The following PKD1 variants were observed in gnomAD, a reference collection of about 807,000 sequenced individuals.
The protein encoded by PKD1 is polycystin-1.
PKD1 carries 81 observed loss-of-function variants against 361.7 expected under a neutral mutation model. The ratio of observed to expected loss-of-function variants is 0.22; its 90% confidence interval spans 0.19 to 0.27. The LOEUF is 0.27. Among genes scored for constraint, PKD1 ranks in the 10% least tolerant of loss-of-function variants. The pLI, the probability that PKD1 is intolerant of heterozygous loss-of-function variation, is 1.00. For synonymous variants in PKD1, 3,615 were observed against 2,818.3 expected (o/e 1.28, Z -8.95); for missense variants, 6,399 against 6,118.3 (o/e 1.05, Z -1.53).
At chr16:2,102,995 C>T (rs199619755) in intron 23 of PKD1, 25 bp from the exon 24 acceptor site, 73 of 1,599,200 alleles carry the variant, frequency 4.6e-5, no homozygotes, top group Middle Eastern at 4.5e-4. Context: ...GCAGGTCACA[C>T]GCCTGCCGGG....
intron 13 of PKD1, 46 bp downstream of exon 13, chr16:2,112,742 G>T: frequency 1.3e-6 from 2 of 1,577,048 alleles, no homozygotes; most frequent in Non-Finnish European, 1.7e-6. Flanking sequence ...CTGGGGCTGG[G>T]ACAAGAGCCT....
At chr16:2,123,434 A>C (rs1236817371) in intron 1 of PKD1, 2 of 456,172 alleles carry the variant, frequency 4.4e-6, no homozygotes, top group Non-Finnish European at 8.8e-6. Context: ...AGGGACAGGG[A>C]ACAGCACAGG....
rs144159053 is a variant in PKD1 at position 2,095,372 on chromosome 16, G to A, written c.10500-1162C>T. 658 of 152,260 alleles carry A rather than the reference G, an allele frequency of 4.3e-3. 5 individuals carry two copies. The highest frequency in any genetic ancestry group is 4.8e-3 in the Admixed American group (74 of 15,288). 9.4% of individuals were successfully genotyped at this position (152,260 alleles called of 1,614,324 possible). A position where few individuals can be genotyped will look rare whatever the true frequency, so the allele number is the denominator to read the frequency against. ...ACTTTGCAGTGAGCCGAGATCATGC[G>A]ACTGCACTCCAGTCTGGGCAACAGA... On this transcript the variant is annotated intron_variant, in intron 34 of 45. Transcript: ENST00000262304.
intron 1 of PKD1, chr16:2,120,103 G>A (rs1188175439): frequency 7.1e-6 from 4 of 559,798 alleles, no homozygotes; most frequent in Admixed American, 6.5e-5. Flanking sequence ...CCAAGTACTC[G>A]GGAGGTAGAG....
chr16:2,097,949 C>A lies in PKD1; in HGVS notation c.10086G>T (p.Gln3362His), dbSNP rs767064899. Residue 3362 changes from glutamine to histidine, a missense_variant, in exon 31 of 46, where the codon CAG becomes CAT. Transcript: ENST00000262304. Reference sequence around the variant, plus strand: ...GGCAGCTGTCGATGTCCAGCACCTGCTGCCCGGCAGGTGTGGGGCTCGGGC... The same window carrying A: ...GGCAGCTGTCGATGTCCAGCACCTGATGCCCGGCAGGTGTGGGGCTCGGGC... ...AGSPSPTPAG[Q>H]QVLDIDSCLD... 26 of 1,601,330 alleles carry A rather than the reference C, an allele frequency of 1.6e-5. No individual in the cohort carries two copies. In the East Asian group the frequency reaches 4.5e-4, roughly 27 times the overall value.
Position 2,117,676 on chromosome 16 carries a change from G to A in PKD1, c.1202-4C>T, listed in dbSNP as rs1228418294. ...GAGGGGCAGAGCGGGTGCACCGCTGGAGACCGGTGGGAACGAGGGTGTCAA... is the reference window on the plus strand; with the variant it reads ...GAGGGGCAGAGCGGGTGCACCGCTGAAGACCGGTGGGAACGAGGGTGTCAA... On this transcript the variant is annotated splice_region_variant and splice_polypyrimidine_tract_variant and intron_variant, in intron 5 of 45. Transcript: ENST00000262304. The A allele has an allele frequency of 1.7e-5, 28 of 1,607,876 alleles. No individual in the cohort carries two copies. Among genetic ancestry groups the A allele is most frequent in the Non-Finnish European group, 1.7e-6 (2 of 1,177,502 alleles).
rs376778930 is a variant in PKD1 at position 2,092,464 on chromosome 16, C to T, written c.11269+16G>A. ...GAGGAACGATTTAAGTCTTGGGGCA[C>T]GCCCTGCCAGCTCACCTTCCTGCAG... is the stretch of plus-strand genomic sequence containing the variant. On this transcript the variant is annotated intron_variant, in intron 39 of 45. Coordinates refer to ENST00000262304, the MANE Select transcript of PKD1 (RefSeq NM_001009944.3). The T allele has an allele frequency of 3.5e-5, 54 of 1,528,960 alleles. No homozygotes were observed. The highest frequency in any genetic ancestry group is 4.5e-5 in the Non-Finnish European group (50 of 1,105,486). The allele number at this position is 1,528,960 out of a possible 1,614,324, so 94.7% of individuals were successfully genotyped here.
chr16:2,112,733 T>G (rs1223834411), intron 13 of PKD1, 55 bp downstream of exon 13: 2 of 1,563,612 alleles, frequency 1.3e-6, no homozygotes, highest in Non-Finnish European at 1.7e-6. Context: ...CGGCTGAGGC[T>G]GGGGCTGGGA....
intron 30 of PKD1, 143 bp downstream of exon 30, chr16:2,099,501 G>C (rs1171761359): frequency 1.4e-6 from 1 of 717,840 alleles, no homozygotes; most frequent in Non-Finnish European, 2.5e-6. Flanking sequence ...AGCTAAGGCT[G>C]CTCAAGTGTG....
At position 2,107,412 on chromosome 16, in the gene PKD1, C is replaced by T. The variant is rs4018156; in HGVS notation, c.7066-464G>A. On this transcript the variant is annotated intron_variant, in intron 16 of 45. Coordinates refer to ENST00000262304, the MANE Select transcript of PKD1 (RefSeq NM_001009944.3). ...CTGGGAAGACCCCCAATCAGGCCAG[C>T]TGAGGAAAGCAGGGACTGGGGAACA... 265 of 360,630 alleles carry T rather than the reference C, an allele frequency of 7.3e-4. 2 individuals carry two copies. Among genetic ancestry groups the T allele is most frequent in the South Asian group, 5.1e-3 (220 of 42,850 alleles). The allele number at this position is 360,630 out of a possible 1,614,324, so 22.3% of individuals were successfully genotyped here. A position where few individuals can be genotyped will look rare whatever the true frequency, so the allele number is the denominator to read the frequency against.
chr16:2,098,334 G>T (rs2855357), intron 30 of PKD1: 65 of 377,466 alleles, frequency 1.7e-4, no homozygotes, highest in African/African-American at 5.2e-4. Flanking sequence ...TCAGCCTCCT[G>T]AGTAGCTGGG....
In PKD1 at chr16:2,133,918, C is replaced by T. The variant is rs367828566; in HGVS notation, c.215+1557G>A. Among the ~76,000 whole-genome samples, 63 of 151,714 alleles carry T rather than the reference C, an allele frequency of 4.2e-4. 2 individuals are homozygous for T. The South Asian group carries it at 0.012, about 29-fold the overall frequency. On this transcript the variant is annotated intron_variant, in intron 1 of 45. Coordinates refer to ENST00000262304, the MANE Select transcript of PKD1 (RefSeq NM_001009944.3). ...TGCTGTGCCAAGGGCCTGGAGAACACGGGCCTTGCTCTCCGCTCAGCAGCC... is the reference window on the plus strand; with the variant it reads ...TGCTGTGCCAAGGGCCTGGAGAACATGGGCCTTGCTCTCCGCTCAGCAGCC...
At position 2,108,654 on chromosome 16, in the gene PKD1, G is replaced by C; in HGVS notation, c.6513C>G (p.Ala2171=). Residue 2171 remains alanine (A), a synonymous_variant, in exon 15 of 46, where the codon GCC becomes GCG. Coordinates refer to ENST00000262304, the MANE Select transcript of PKD1 (RefSeq NM_001009944.3). ...MRRSQRNYLE[A]HVDLRDCVTY... is the part of the protein sequence containing the mutation. ...TGACGCAGTCGCGCAGGTCAACGTGGGCCTCCAAGTAGTTGCGCTGTGATC... is the reference window on the plus strand; with the variant it reads ...TGACGCAGTCGCGCAGGTCAACGTGCGCCTCCAAGTAGTTGCGCTGTGATC... 6.4e-7 allele frequency: 1 copy of C among 1,563,618 alleles called. No homozygotes were observed. Among genetic ancestry groups the C allele is most frequent in the Non-Finnish European group, 8.7e-7 (1 of 1,155,064 alleles).
chr16:2,112,525 GC>G, intron 13 of PKD1, 52 bp from the exon 14 acceptor site: 1 of 1,529,838 alleles, frequency 6.5e-7, no homozygotes, highest in South Asian at 1.2e-5. Flanking sequence ...GTGGGCGGTG[GC>G]GGGGCAGGGG....
rs767721902 is a variant in PKD1, at chr16:2,112,492, G to A, written c.3162-19C>T. 64 of 1,584,038 alleles carry A rather than the reference G, an allele frequency of 4.0e-5. No individual in the cohort carries two copies. Among genetic ancestry groups the A allele is most frequent in the Middle Eastern group, 2.3e-4 (1 of 4,414 alleles). The stretch of plus-strand genomic sequence containing the variant: ...GGTCCACCTGCCGGGGCGGTGGGAC[G>A]CAGTGAGTGAACCGGGACAGGGGTG... On this transcript the variant is annotated intron_variant, in intron 13 of 45. Transcript: ENST00000262304.
At chr16:2,116,305 G>A (rs1423746313) in intron 8 of PKD1, 187 bp from the exon 9 acceptor site, 8 of 700,536 alleles carry the variant, frequency 1.1e-5, no homozygotes, top group Non-Finnish European at 2.0e-5. Flanking sequence ...CAGGACCCCT[G>A]ACCTGCCTTT....
Position 2,091,612 on chromosome 16 carries a change from C to T in PKD1, c.11538-15G>A, listed in dbSNP as rs927523226. 10 of 1,560,204 alleles carry T rather than the reference C, an allele frequency of 6.4e-6. No individual in the cohort carries two copies. The highest frequency in any genetic ancestry group is 8.6e-6 in the Non-Finnish European group (10 of 1,161,262). On this transcript the variant is annotated splice_polypyrimidine_tract_variant and intron_variant, in intron 41 of 45. Coordinates refer to ENST00000262304, the MANE Select transcript of PKD1 (RefSeq NM_001009944.3). Reference sequence around the variant, plus strand: ...CAGCGCGGCTCCTGCGCAGAGGGTGCGGGTCAGTAGGAGCGGGTGGCAGGG... The same window carrying T: ...CAGCGCGGCTCCTGCGCAGAGGGTGTGGGTCAGTAGGAGCGGGTGGCAGGG...
In PKD1 at chr16:2,089,843, G is replaced by A. The variant is rs760397010; in HGVS notation, c.12796C>T (p.Leu4266=). The A allele has an allele frequency of 2.5e-6, 4 of 1,606,188 alleles. No homozygotes were observed. In the South Asian group the frequency reaches 3.3e-5, roughly 13 times the overall value. The change falls in exon 46 of 46, where the codon CTG becomes TTG. Residue 4266 remains leucine (L), a synonymous_variant. Transcript: ENST00000262304. ...AGGCGGCTGGGCAGTGCTGGCCGCA[G>A]GCCCGGGGATGGGCCACGGGAAGAT... ...AGSSRGPSPG[L]RPALPSRLAR...
chr16:2,125,013 C>A (rs566043234), intron 1 of PKD1, among the ~76,000 whole-genome samples: 1 of 152,178 alleles, frequency 6.6e-6, no homozygotes, highest in South Asian at 2.1e-4. Flanking sequence ...GCAGTGTGGG[C>A]GCTGGAGAGG....
Sources: gnomAD v4.1 joint callset for allele counts (sites outside exome capture counted in the v4.1 genomes callset) on GRCh38, gnomAD v4.1.1 for gene constraint, MANE v1.5 for transcripts, NCBI Gene and HGNC (gene_info 2026-07-23, HGNC 2026-07-21) for gene names.